USP12: variants seen among roughly 807,000 people sequenced by gnomAD.
The protein encoded by USP12 is ubiquitin specific peptidase 12.
A neutral mutation model predicts 45.5 loss-of-function variants in USP12; 19 were observed. The observed-to-expected ratio is 0.42, with a 90% CI of 0.29 to 0.61. USP12 has a LOEUF of 0.61. Ranked by LOEUF, USP12 falls within the 20% of genes least tolerant of loss-of-function variation. The pLI is 0.22. For missense variants in USP12, 242 were observed against 447.7 expected (o/e 0.54, Z 4.15); for synonymous variants, 149 against 148.8 (o/e 1.00, Z -0.01).
Position 27,171,793 on chromosome 13 carries a change from C to A in USP12, c.-154G>T. ...CGCTGGGCCGCCGCTGCCGTCGTCG[C>A]CGCCGGCGCTCAGGCACTCCCGGCC... is the stretch of plus-strand genomic sequence containing the variant. On this transcript the variant is annotated 5_prime_UTR_variant, in exon 1 of 9. Transcript: ENST00000282344. 1 of 250,494 alleles carries A rather than the reference C, an allele frequency of 4.0e-6. No individual in the cohort carries two copies. The highest frequency in any genetic ancestry group is 6.3e-6 in the Non-Finnish European group (1 of 158,048). 15.5% of individuals were successfully genotyped at this position (250,494 alleles called of 1,614,324 possible).
At chr13:27,155,361 G>A (rs192096597) in intron 1 of USP12, among the ~76,000 whole-genome samples, 44 of 152,198 alleles carry the variant, frequency 2.9e-4, no homozygotes, top group African/African-American at 1.1e-3. Context: ...GATCACAGGT[G>A]TGAGCCACTG....
chr13:27,106,707 T>A (rs1293486327), intron 2 of USP12, among the ~76,000 whole-genome samples: 2 of 151,920 alleles, frequency 1.3e-5, no homozygotes, highest in African/African-American at 2.4e-5. Context: ...ACCATTTATT[T>A]TTTTTAAAAA....
intron 1 of USP12, among the ~76,000 whole-genome samples, chr13:27,123,721 G>C (rs1054427606): frequency 2.0e-5 from 3 of 152,182 alleles, no homozygotes; most frequent in African/African-American, 4.8e-5. Flanking sequence ...TGCCTTTGCT[G>C]ATCTTCTGCA....
intron 2 of USP12, among the ~76,000 whole-genome samples, chr13:27,110,235 C>G (rs2137791618): frequency 6.6e-6 from 1 of 151,420 alleles, no homozygotes; most frequent in African/African-American, 2.4e-5. Flanking sequence ...CTCTCCTACT[C>G]TAGCTTTTCA....
At chr13:27,081,750 ATGG>A (rs1873769557) in intron 6 of USP12, among the ~76,000 whole-genome samples, 1 of 152,254 alleles carries the variant, frequency 6.6e-6, no homozygotes, top group Admixed American at 6.5e-5. Flanking sequence ...TCATTGATTC[ATGG>A]GCTGCAGAAT....
chr13:27,108,822 G>A (rs1875280952), intron 2 of USP12, among the ~76,000 whole-genome samples: 1 of 152,130 alleles, frequency 6.6e-6, no homozygotes, highest in South Asian at 2.1e-4. Context: ...GCCGGGTGTG[G>A]TGGCACGCAC....
intron 6 of USP12, among the ~76,000 whole-genome samples, chr13:27,086,320 T>C (rs1441516253): frequency 7.0e-6 from 1 of 142,694 alleles, no homozygotes. Context: ...ATGCAGCACC[T>C]CCTAAGAAGG....
chr13:27,135,666 G>A (rs1189125420), intron 1 of USP12, among the ~76,000 whole-genome samples: 1 of 152,132 alleles, frequency 6.6e-6, no homozygotes, highest in Non-Finnish European at 1.5e-5. Context: ...AGTATGCCGA[G>A]ATTGCGCCAC....
intron 1 of USP12, among the ~76,000 whole-genome samples, chr13:27,149,785 T>A (rs958243770): frequency 6.6e-6 from 1 of 152,126 alleles, no homozygotes; most frequent in African/African-American, 2.4e-5. Flanking sequence ...TGGGGGATGG[T>A]TTCAGGATGA....
At chr13:27,072,560 T>C (rs1873294501) in intron 7 of USP12, among the ~76,000 whole-genome samples, 1 of 152,098 alleles carries the variant, frequency 6.6e-6, no homozygotes, top group Non-Finnish European at 1.5e-5. Context: ...CTGTGGAGAT[T>C]AAAGAGATAC....
chr13:27,121,453 C>G (rs191557487), intron 1 of USP12, among the ~76,000 whole-genome samples: 1 of 152,102 alleles, frequency 6.6e-6, no homozygotes, highest in Non-Finnish European at 1.5e-5. Context: ...AGAATTCCTA[C>G]AAATACAAGC....
At chr13:27,094,102 T>C (rs1270634987) in intron 4 of USP12, among the ~76,000 whole-genome samples, 1 of 151,374 alleles carries the variant, frequency 6.6e-6, no homozygotes, top group Non-Finnish European at 1.5e-5. Flanking sequence ...CATAAATGCA[T>C]GCTAAATCTT....
chr13:27,099,049 C>G (rs1343908263), intron 3 of USP12, among the ~76,000 whole-genome samples: 3 of 152,180 alleles, frequency 2.0e-5, no homozygotes, highest in Non-Finnish European at 4.4e-5. Context: ...GCCTGACCAA[C>G]ATGGTGAAAC....
At chr13:27,113,690 C>T (rs1267888111) in intron 2 of USP12, among the ~76,000 whole-genome samples, 1 of 152,144 alleles carries the variant, frequency 6.6e-6, no homozygotes, top group African/African-American at 2.4e-5. Context: ...CTTTTACAGC[C>T]CCTAAAACAG....
intron 1 of USP12, among the ~76,000 whole-genome samples, chr13:27,126,070 G>A (rs1876223425): frequency 6.6e-6 from 1 of 152,260 alleles, no homozygotes; most frequent in Non-Finnish European, 1.5e-5. Flanking sequence ...GCAGCAGACA[G>A]CTTCTGCAGA....
At chr13:27,077,161 A>G (rs747271974) in intron 6 of USP12, 9 of 152,216 alleles carry the variant, frequency 5.9e-5, no homozygotes, top group Admixed American at 1.3e-4. Context: ...ACATAAGAAA[A>G]TACTTAAGAA....
chr13:27,170,856 G>A (rs1465811549), intron 1 of USP12, among the ~76,000 whole-genome samples: 1 of 152,196 alleles, frequency 6.6e-6, no homozygotes, highest in Non-Finnish European at 1.5e-5. Context: ...CTGCCACCTG[G>A]ACACACGGCT....
chr13:27,069,110 C>G lies in USP12; in HGVS notation c.*173G>C, dbSNP rs375671193. Reference sequence around the variant, plus strand: ...GATACCTGAGCAAATAAATCAACTACCATGATCGGAAGGGCTTGTCAATCC... The same window carrying G: ...GATACCTGAGCAAATAAATCAACTAGCATGATCGGAAGGGCTTGTCAATCC... On this transcript the variant is annotated 3_prime_UTR_variant, in exon 9 of 9. Transcript: ENST00000282344. 1.3e-3 allele frequency: 841 copies of G among 634,772 alleles called. 14 individuals carry two copies. The South Asian group carries it at 0.014, about 11-fold the overall frequency. 39.3% of individuals were successfully genotyped at this position (634,772 alleles called of 1,614,324 possible). A position where few individuals can be genotyped will look rare whatever the true frequency, so the allele number is the denominator to read the frequency against.
intron 1 of USP12, among the ~76,000 whole-genome samples, chr13:27,150,399 CA>C (rs1231505768): frequency 6.6e-6 from 1 of 152,008 alleles, no homozygotes; most frequent in Non-Finnish European, 1.5e-5. Context: ...TTCAGAGTTT[CA>C]AAACTCTGAA....
Sources: allele counts gnomAD v4.1 joint callset (sites outside exome capture counted in the v4.1 genomes callset), GRCh38; gene constraint gnomAD v4.1.1; transcripts MANE v1.5; gene names NCBI Gene and HGNC (gene_info 2026-07-23, HGNC 2026-07-21).